CHD1: variants seen among roughly 807,000 people sequenced by gnomAD.
The protein encoded by CHD1 is ATP-dependent chromatin remodeler CHD1.
Under a neutral mutation model 224.2 loss-of-function variants are expected in CHD1, and 36 were observed. That is an observed-to-expected ratio of 0.16 (90% CI 0.12 to 0.21). The LOEUF is 0.21. Ranked by LOEUF, CHD1 falls within the 10% of genes least tolerant of loss-of-function variation. The probability of loss-of-function intolerance (pLI) is 1.00; values close to 1 mark genes in which losing one functional copy is unlikely to be tolerated. For missense variants in CHD1, 1,378 were observed against 1,994.8 expected, an observed-to-expected ratio of 0.69 and a Z score of 5.89; for synonymous variants, 668 against 658.3, an observed-to-expected ratio of 1.01 and a Z score of -0.23.
chr5:98,895,683 G>A (rs1321696889), intron 12 of CHD1, among the ~76,000 whole-genome samples: 2 of 148,680 alleles, frequency 1.3e-5, no homozygotes, highest in African/African-American at 5.0e-5. Context: ...AACCTGGGAG[G>A]TGGAGGTTGC....
At chr5:98,918,114 G>A (rs927765081) in intron 2 of CHD1, among the ~76,000 whole-genome samples, 5 of 149,540 alleles carry the variant, frequency 3.3e-5, no homozygotes, top group African/African-American at 9.9e-5. Flanking sequence ...CTGGAGTGCC[G>A]TGGCACGATC....
chr5:98,856,810 A>G (rs780890809), intron 35 of CHD1, 85 bp from the exon 36 acceptor site: 97 of 857,094 alleles, frequency 1.1e-4, no homozygotes, highest in Non-Finnish European at 1.6e-4. Context: ...ACATAAAAAT[A>G]CCTTAAAACA....
chr5:98,868,765 A>C, intron 30 of CHD1, 130 bp from the exon 31 acceptor site: 4 of 885,704 alleles, frequency 4.5e-6, no homozygotes, highest in African/African-American at 1.7e-5. Context: ...GAATATCCTC[A>C]TCTATTTTAA....
chr5:98,887,704 C>G (rs1750744143), intron 17 of CHD1, among the ~76,000 whole-genome samples: 1 of 152,142 alleles, frequency 6.6e-6, no homozygotes, highest in Admixed American at 6.5e-5. Flanking sequence ...TCATCAGAAT[C>G]TTGGCAGCAT....
At position 98,899,649 on chromosome 5, in the gene CHD1, C is replaced by G; in HGVS notation, c.916G>C (p.Gly306Arg). ...CCTGGTTCTTTGTTTTTTTCAAAGC[C>G]TGCATTTGGGTCACCATCTGCTTCA... ...AVEADGDPNA[G>R]FEKNKEPGEI... The change falls in exon 8 of 36, where the codon GGC (glycine) becomes CGC (arginine). Residue 306 changes from glycine to arginine, a missense_variant. Physicochemically the swap from Gly to Arg is moderately radical, Grantham distance 125. Coordinates refer to ENST00000614616, the MANE Select transcript of CHD1 (RefSeq NM_001270.4). The G allele has an allele frequency of 1.2e-6, 2 of 1,613,696 alleles. No homozygotes were observed. The highest frequency in any genetic ancestry group is 1.7e-6 in the Non-Finnish European group (2 of 1,179,940).
chr5:98,883,647 T>C (rs1408639359), intron 18 of CHD1, among the ~76,000 whole-genome samples: 2 of 151,660 alleles, frequency 1.3e-5, no homozygotes, highest in Non-Finnish European at 2.9e-5. Context: ...ATGAAAAAGA[T>C]ACTTGTACAC....
chr5:98,914,301 C>T (rs1752607405), intron 2 of CHD1, among the ~76,000 whole-genome samples: 1 of 152,114 alleles, frequency 6.6e-6, no homozygotes, highest in South Asian at 2.1e-4. Flanking sequence ...AACTCCCTTA[C>T]CTAGGAGTGA....
chr5:98,895,345 G>A (rs902208704), intron 12 of CHD1, among the ~76,000 whole-genome samples: 3 of 152,312 alleles, frequency 2.0e-5, no homozygotes, highest in Middle Eastern at 3.4e-3. Context: ...TAGGAAAGTC[G>A]TGTGTAGAGG....
At chr5:98,872,640 T>C (rs1297389945) in intron 26 of CHD1, 85 bp from the exon 27 acceptor site, 14 of 1,134,042 alleles carry the variant, frequency 1.2e-5, no homozygotes, top group South Asian at 2.7e-5. Flanking sequence ...CTATTACTTA[T>C]GTTATTTAAC....
intron 2 of CHD1, among the ~76,000 whole-genome samples, chr5:98,924,991 G>A (rs1440272145): frequency 2.0e-5 from 3 of 150,104 alleles, no homozygotes; most frequent in Non-Finnish European, 4.4e-5. Flanking sequence ...AAAAAAAAAA[G>A]AAAAAGAAAA....
At chr5:98,885,269 G>A (rs143990486) in intron 18 of CHD1, among the ~76,000 whole-genome samples, 1 of 152,186 alleles carries the variant, frequency 6.6e-6, no homozygotes, top group East Asian at 1.9e-4. Context: ...GCACGCGCCT[G>A]TAATCCCAGC....
At chr5:98,910,129 G>A (rs572637573) in intron 2 of CHD1, among the ~76,000 whole-genome samples, 176 of 152,230 alleles carry the variant, frequency 1.2e-3, no homozygotes, top group African/African-American at 4.0e-3. Flanking sequence ...GCTAGGATGT[G>A]TGTATTTTTA....
intron 2 of CHD1, among the ~76,000 whole-genome samples, chr5:98,916,298 C>G (rs1752726212): frequency 6.6e-6 from 1 of 152,014 alleles, no homozygotes; most frequent in Non-Finnish European, 1.5e-5. Context: ...GTAATCCCAG[C>G]ACTTTGGGAG....
At chr5:98,927,616 A>G (rs1753560885) in intron 1 of CHD1, among the ~76,000 whole-genome samples, 2 of 152,366 alleles carry the variant, frequency 1.3e-5, no homozygotes, top group East Asian at 1.9e-4. Flanking sequence ...CTCAACATTT[A>G]TTCCTAATGT....
chr5:98,859,335 T>C (rs1287343329), intron 33 of CHD1, among the ~76,000 whole-genome samples: 4 of 152,112 alleles, frequency 2.6e-5, no homozygotes, highest in Non-Finnish European at 2.9e-5. Context: ...CAAAACCAAA[T>C]AATTAACATT....
At chr5:98,927,320 A>G (rs1399342369) in intron 1 of CHD1, among the ~76,000 whole-genome samples, 2 of 151,524 alleles carry the variant, frequency 1.3e-5, no homozygotes, top group African/African-American at 4.8e-5. Context: ...GAATAAACAA[A>G]GGAGATCTCT....
rs1358961137 is a variant in CHD1 at position 98,893,581 on chromosome 5, G to A, written c.1826C>T (p.Ala609Val). 1 of 1,602,432 alleles carries A rather than the reference G, an allele frequency of 6.2e-7. No individual in the cohort carries two copies. The highest frequency in any genetic ancestry group is 1.3e-5 in the African/African-American group (1 of 74,404). ...DKAFLGGLNW[A>V]FIGVDEAHRL... ...GTGTGCTTCATCAACACCTATAAAT[G>A]CCCAATTTAGACCTCCAAGGAATGC... is the stretch of plus-strand genomic sequence containing the variant. Residue 609 changes from alanine (A) to valine (V), a missense_variant, in exon 14 of 36, where the codon GCA (alanine) becomes GTA (valine). Physicochemically the swap from Ala to Val is moderately conservative, Grantham distance 64. Around this residue, in one of 16 missense-constraint regions of CHD1, gnomAD observed 18 missense variants for 16.1 expected, o/e 1.11. Coordinates refer to ENST00000614616, the MANE Select transcript of CHD1 (RefSeq NM_001270.4).
At position 98,874,466 on chromosome 5, in the gene CHD1, G is replaced by A. The variant is rs557537610; in HGVS notation, c.3440+606C>T. Among the ~76,000 whole-genome samples, 4 of 149,444 alleles carry A rather than the reference G, an allele frequency of 2.7e-5. No individual in the cohort carries two copies. In the East Asian group the frequency reaches 5.9e-4, roughly 22 times the overall value. ...AGGCTGGGTTAGCCTTTGGGAGGCT[G>A]AGGCAGGCGGATCACCTGAATTCAG... On this transcript the variant is annotated intron_variant, in intron 25 of 35. Transcript: ENST00000614616.
intron 2 of CHD1, among the ~76,000 whole-genome samples, chr5:98,909,076 C>T (rs1752226055): frequency 6.6e-6 from 1 of 152,066 alleles, no homozygotes; most frequent in South Asian, 2.1e-4. Flanking sequence ...AACTAAGAAA[C>T]TATTTGTAAA....
Sources: gnomAD v4.1 joint callset for allele counts (sites outside exome capture counted in the v4.1 genomes callset) on GRCh38, gnomAD v4.1.1 for gene constraint, gnomAD v4.1.1 regional missense constraint, MANE v1.5 for transcripts, NCBI Gene and HGNC (gene_info 2026-07-23, HGNC 2026-07-21) for gene names.